The following ZC3H11A variants were observed in gnomAD, a reference collection of about 807,000 sequenced individuals.
The protein encoded by ZC3H11A is zinc finger CCCH-type containing 11A, also known as zinc finger CCCH domain-containing protein 11A.
A neutral mutation model predicts 90.8 loss-of-function variants in ZC3H11A; 22 were observed. The observed-to-expected ratio is 0.24, with a 90% CI of 0.17 to 0.35. The LOEUF is 0.35. ZC3H11A is among the 10% of genes least tolerant of loss of function. The pLI, the probability that ZC3H11A is intolerant of heterozygous loss-of-function variation, is 1.00. For missense variants in ZC3H11A, 701 were observed against 964.9 expected, an observed-to-expected ratio of 0.73 and a Z score of 3.62; for synonymous variants, 294 against 339.8, an observed-to-expected ratio of 0.87 and a Z score of 1.48.
At chr1:203,844,757 C>T (rs992232968) in intron 12 of ZC3H11A, among the ~76,000 whole-genome samples, 1 of 152,072 alleles carries the variant, frequency 6.6e-6, no homozygotes, top group Admixed American at 6.6e-5. Flanking sequence ...CATACAATTG[C>T]CACAGTAAGA....
At chr1:203,828,647 A>C (rs1378523198) in intron 5 of ZC3H11A, among the ~76,000 whole-genome samples, 2 of 152,160 alleles carry the variant, frequency 1.3e-5, no homozygotes, top group Non-Finnish European at 2.9e-5. Flanking sequence ...TACTTACTTC[A>C]TTTCTCATAT....
intron 12 of ZC3H11A, among the ~76,000 whole-genome samples, chr1:203,841,848 C>T (rs1340777178): frequency 2.7e-5 from 4 of 149,938 alleles, no homozygotes; most frequent in African/African-American, 9.8e-5. Flanking sequence ...GCAGACGGGG[C>T]GGCTGCCGGG....
intron 14 of ZC3H11A, 40 bp downstream of exon 14, chr1:203,848,447 C>G (rs1386684254): frequency 6.7e-7 from 1 of 1,497,472 alleles, no homozygotes; most frequent in Non-Finnish European, 9.2e-7. Flanking sequence ...TCATGGCAAA[C>G]AAAGGCTAGA....
At position 203,847,350 on chromosome 1, in the gene ZC3H11A, C is replaced by G; in HGVS notation, c.1209C>G (p.Ile403Met). Reference sequence around the variant, plus strand: ...CAAGAAGCTCCTCCACTATCCGTATCAAAACCTTCTCTGAGGTCCTGGCTG... The same window carrying G: ...CAAGAAGCTCCTCCACTATCCGTATGAAAACCTTCTCTGAGGTCCTGGCTG... ...SGARSSSTIRIKTFSEVLAEK... is the reference protein window; with the variant it reads ...SGARSSSTIRMKTFSEVLAEK... Residue 403 changes from isoleucine (I) to methionine (M), a missense_variant, in exon 13 of 18, where the codon ATC becomes ATG. Physicochemically the swap from Ile to Met is conservative, Grantham distance 10. Coordinates refer to ENST00000367210, the MANE Select transcript of ZC3H11A (RefSeq NM_001376342.1). 1.9e-6 allele frequency: 3 copies of G among 1,613,822 alleles called. No homozygotes were observed. The highest frequency in any genetic ancestry group is 2.5e-6 in the Non-Finnish European group (3 of 1,179,852).
At chr1:203,845,043 C>T (rs1382160126) in intron 12 of ZC3H11A, among the ~76,000 whole-genome samples, 1 of 152,074 alleles carries the variant, frequency 6.6e-6, no homozygotes, top group South Asian at 2.1e-4. Context: ...CCCACCGTTG[C>T]TTTTAATATT....
At chr1:203,850,481 T>G in intron 15 of ZC3H11A, 34 bp from the exon 16 acceptor site, 1 of 1,613,116 alleles carries the variant, frequency 6.2e-7, no homozygotes. Flanking sequence ...GAGTCTATTC[T>G]CACTGCTTAT....
intron 4 of ZC3H11A, among the ~76,000 whole-genome samples, chr1:203,824,948 G>A (rs1572134647): frequency 6.6e-6 from 1 of 151,664 alleles, no homozygotes; most frequent in African/African-American, 2.4e-5. Context: ...ATGGTGACAC[G>A]TGCCTATAAT....
Position 203,849,984 on chromosome 1 carries a change from A to C in ZC3H11A, c.1897A>C (p.Asn633His), listed in dbSNP as rs1184250346. Residue 633 changes from asparagine to histidine, a missense_variant, in exon 15 of 18, where the codon AAT becomes CAT. This residue lies in a region of ZC3H11A where 530 missense variants were observed against 696.2 expected (regional missense o/e 0.76). Transcript: ENST00000367210. ...ETSGIGDSLLNVKCAAQTLEK... is the reference protein window; with the variant it reads ...ETSGIGDSLLHVKCAAQTLEK... The stretch of plus-strand genomic sequence containing the variant: ...CTCAGGGATTGGAGACTCATTATTG[A>C]ATGTGAAATGTGCAGCACAGACCTT... 6.2e-7 allele frequency: 1 copy of C among 1,614,024 alleles called. No individual in the cohort carries two copies. Among genetic ancestry groups the C allele is most frequent in the Non-Finnish European group, 8.5e-7 (1 of 1,180,010 alleles).
At chr1:203,797,393 TC>T (rs1668897814) in intron 1 of ZC3H11A, 3 of 860,636 alleles carry the variant, frequency 3.5e-6, no homozygotes, top group Non-Finnish European at 5.0e-6. Flanking sequence ...AAGTTATTGG[TC>T]CAGTGGGAAT....
chr1:203,842,535 C>T (rs1034242759), intron 12 of ZC3H11A, among the ~76,000 whole-genome samples: 1 of 147,412 alleles, frequency 6.8e-6, no homozygotes, highest in African/African-American at 2.5e-5. Context: ...TGCAGTGAGC[C>T]GAGATGGCAG....
chr1:203,840,497 T>A, intron 12 of ZC3H11A, 123 bp downstream of exon 12: 2 of 963,500 alleles, frequency 2.1e-6, no homozygotes, highest in Middle Eastern at 2.8e-4. Flanking sequence ...TAGTTCTGTT[T>A]GTTTTTTAAG....
intron 12 of ZC3H11A, among the ~76,000 whole-genome samples, chr1:203,843,956 C>G (rs564187703): frequency 4.9e-4 from 74 of 150,288 alleles, no homozygotes; most frequent in African/African-American, 1.8e-3. Context: ...CTCCCAGGTT[C>G]AAGTGATTCT....
At chr1:203,845,226 G>T (rs150682835) in intron 12 of ZC3H11A, among the ~76,000 whole-genome samples, 1 of 152,092 alleles carries the variant, frequency 6.6e-6, no homozygotes, top group Admixed American at 6.6e-5. Context: ...CTCATTGCTG[G>T]TGTGGATTTA....
In ZC3H11A at chr1:203,797,748, C is replaced by T. The variant is rs934783760; in HGVS notation, c.-1588+1954C>T. The T allele has an allele frequency of 2.6e-6, 4 of 1,535,378 alleles. No homozygotes were observed. The South Asian group carries it at 3.6e-5, about 14-fold the overall frequency. On this transcript the variant is annotated intron_variant, in intron 1 of 17. Coordinates refer to ENST00000367210, the MANE Select transcript of ZC3H11A (RefSeq NM_001376342.1). Reference sequence around the variant, plus strand: ...TTTGCGAATTAAGGGGAAAAGGCGTCGAAAAAAATTGATTCTTGCCAAAAA... The same window carrying T: ...TTTGCGAATTAAGGGGAAAAGGCGTTGAAAAAAATTGATTCTTGCCAAAAA...
chr1:203,825,553 G>A (rs554678507), intron 4 of ZC3H11A, among the ~76,000 whole-genome samples: 1 of 148,840 alleles, frequency 6.7e-6, no homozygotes, highest in East Asian at 2.0e-4. Context: ...TCCTGTCTCA[G>A]CCTCCCGCAT....
rs12069471 is a variant in ZC3H11A, at chr1:203,836,720, G to A, written c.875-1246G>A. ...GAACCCGGGAGGTGGAGGTGGCAGT[G>A]AGCTGAGATCTTCCCACTGCACTCC... On this transcript the variant is annotated intron_variant, in intron 10 of 17. Coordinates refer to ENST00000367210, the MANE Select transcript of ZC3H11A (RefSeq NM_001376342.1). 4.4e-3 allele frequency among the ~76,000 whole-genome samples: 672 copies of A among 152,348 alleles called. 7 individuals are homozygous for A. Among genetic ancestry groups the A allele is most frequent in the African/African-American group, 0.015 (636 of 41,586 alleles).
At chr1:203,842,299 C>G (rs963449118) in intron 12 of ZC3H11A, among the ~76,000 whole-genome samples, 6 of 152,200 alleles carry the variant, frequency 3.9e-5, no homozygotes, top group African/African-American at 1.4e-4. Flanking sequence ...TGCACTCCAG[C>G]CTGGGCAACA....
intron 2 of ZC3H11A, among the ~76,000 whole-genome samples, chr1:203,811,310 C>G (rs963279442): frequency 6.6e-6 from 1 of 152,080 alleles, no homozygotes; most frequent in African/African-American, 2.4e-5. Context: ...CTCGAAACTC[C>G]GTCTCCAGAT....
At position 203,796,640 on chromosome 1, in the gene ZC3H11A, A is replaced by G. The variant is rs992123539; in HGVS notation, c.-1588+846A>G. 43 of 394,436 alleles carry G rather than the reference A, an allele frequency of 1.1e-4. 1 individual carries two copies. Among genetic ancestry groups the G allele is most frequent in the African/African-American group, 8.2e-4 (40 of 48,680 alleles). 24.4% of individuals were successfully genotyped at this position (394,436 alleles called of 1,614,324 possible). On this transcript the variant is annotated intron_variant, in intron 1 of 17. Transcript: ENST00000367210. Reference sequence around the variant, plus strand: ...GGTATTGGGGGAAGGGGAGGGATCAATCGAAAAATGGAAGTGGTTTAAAGT... The same window carrying G: ...GGTATTGGGGGAAGGGGAGGGATCAGTCGAAAAATGGAAGTGGTTTAAAGT...
Sources: allele counts gnomAD v4.1 joint callset (sites outside exome capture counted in the v4.1 genomes callset), GRCh38; gene constraint gnomAD v4.1.1; regional missense constraint gnomAD v4.1.1; transcripts MANE v1.5; gene names NCBI Gene and HGNC (gene_info 2026-07-23, HGNC 2026-07-21).